CNTN5: variants seen among roughly 807,000 people sequenced by gnomAD.
CNTN5 encodes the protein contactin 5, also known as contactin-5.
CNTN5 carries 77 observed loss-of-function variants against 129.1 expected under a neutral mutation model. The observed-to-expected ratio is 0.60, with a 90% CI of 0.50 to 0.72. CNTN5 has a LOEUF of 0.72. Ranked by LOEUF, CNTN5 falls within the 30% of genes least tolerant of loss-of-function variation. The pLI is 0.00. For missense variants in CNTN5, 1,478 were observed against 1,328.8 expected (o/e 1.11, Z -1.75); for synonymous variants, 509 against 465.6 (o/e 1.09, Z -1.20).
chr11:99,107,312 C>T (rs149919170), intron 1 of CNTN5, among the ~76,000 whole-genome samples: 2 of 152,114 alleles, frequency 1.3e-5, no homozygotes, highest in East Asian at 3.9e-4. Context: ...ATAACATGAA[C>T]AAATTTATGC....
intron 3 of CNTN5, among the ~76,000 whole-genome samples, chr11:99,776,726 A>G (rs1945137650): frequency 1.3e-5 from 2 of 150,860 alleles, no homozygotes; most frequent in South Asian, 4.3e-4. Flanking sequence ...TAATCAACTC[A>G]TGTGGAACAC....
intron 6 of CNTN5, among the ~76,000 whole-genome samples, chr11:99,865,465 A>C (rs1948330285): frequency 6.6e-6 from 1 of 151,796 alleles, no homozygotes; most frequent in African/African-American, 2.4e-5. Context: ...TTATTTTACC[A>C]GGAAAAAATC....
At chr11:99,453,055 A>G (rs1166580064) in intron 2 of CNTN5, among the ~76,000 whole-genome samples, 3 of 152,164 alleles carry the variant, frequency 2.0e-5, no homozygotes, top group African/African-American at 7.2e-5. Flanking sequence ...TTTGTAAGGC[A>G]TTTCTCAGAT....
intron 3 of CNTN5, among the ~76,000 whole-genome samples, chr11:99,616,057 C>T (rs1171007103): frequency 1.3e-5 from 2 of 151,982 alleles, no homozygotes; most frequent in African/African-American, 4.8e-5. Context: ...TGTTCTACAC[C>T]TGTTCTGTAT....
At chr11:99,247,916 A>G (rs947380021) in intron 1 of CNTN5, among the ~76,000 whole-genome samples, 2 of 152,188 alleles carry the variant, frequency 1.3e-5, no homozygotes, top group African/African-American at 2.4e-5. Flanking sequence ...GTGCCGCAAT[A>G]AACATATGTG....
chr11:99,396,556 T>C (rs11219756), intron 2 of CNTN5, among the ~76,000 whole-genome samples: 35,518 of 151,440 alleles, frequency 0.23, 4,850 homozygotes, highest in Middle Eastern at 0.33. Context: ...CACTTGAAGT[T>C]ATGAGAAAAA....
intron 16 of CNTN5, among the ~76,000 whole-genome samples, chr11:100,244,817 G>T (rs1397780271): frequency 6.6e-6 from 1 of 152,012 alleles, no homozygotes; most frequent in Non-Finnish European, 1.5e-5. Context: ...CTGGCTGTTT[G>T]TTTCGGCTAG....
chr11:99,653,595 A>C (rs1056222286), intron 3 of CNTN5, among the ~76,000 whole-genome samples: 1 of 151,408 alleles, frequency 6.6e-6, no homozygotes. Flanking sequence ...TGAGGGGGGA[A>C]AATGCTTATA....
chr11:99,485,496 G>A (rs1247273322), intron 2 of CNTN5, among the ~76,000 whole-genome samples: 1 of 151,992 alleles, frequency 6.6e-6, no homozygotes, highest in Non-Finnish European at 1.5e-5. Context: ...TGTGTTTTGG[G>A]ATGTTGACAA....
chr11:99,620,994 A>T (rs1024631026), intron 3 of CNTN5, among the ~76,000 whole-genome samples: 11 of 152,150 alleles, frequency 7.2e-5, no homozygotes, highest in Admixed American at 1.3e-4. Flanking sequence ...TTTCATTCAA[A>T]CAATGTGAGG....
At chr11:99,488,323 C>A (rs998607685) in intron 2 of CNTN5, among the ~76,000 whole-genome samples, 1 of 151,540 alleles carries the variant, frequency 6.6e-6, no homozygotes, top group Non-Finnish European at 1.5e-5. Context: ...TAGGCATGCA[C>A]CACCATGGCC....
chr11:99,487,053 T>C (rs1945846573), intron 2 of CNTN5, among the ~76,000 whole-genome samples: 1 of 151,934 alleles, frequency 6.6e-6, no homozygotes, highest in Non-Finnish European at 1.5e-5. Flanking sequence ...CATATTAGAG[T>C]AAAAGTGCCA....
At chr11:99,598,458 C>A (rs933079469) in intron 3 of CNTN5, among the ~76,000 whole-genome samples, 1 of 141,184 alleles carries the variant, frequency 7.1e-6, no homozygotes, top group African/African-American at 2.6e-5. Flanking sequence ...TCCTTCCTTC[C>A]TTTTTCCCTT....
At chr11:100,005,270 C>A (rs1454352638) in intron 9 of CNTN5, among the ~76,000 whole-genome samples, 2 of 152,088 alleles carry the variant, frequency 1.3e-5, no homozygotes, top group African/African-American at 4.8e-5. Context: ...ATCCTGTCCC[C>A]CCCACAAATA....
chr11:99,675,113 C>G (rs1369565887), intron 3 of CNTN5, among the ~76,000 whole-genome samples: 1 of 152,098 alleles, frequency 6.6e-6, no homozygotes, highest in Non-Finnish European at 1.5e-5. Flanking sequence ...ATTGTTCATC[C>G]TACTAACTAA....
intron 2 of CNTN5, among the ~76,000 whole-genome samples, chr11:99,467,364 C>G (rs1230831010): frequency 6.6e-6 from 1 of 151,850 alleles, no homozygotes; most frequent in Non-Finnish European, 1.5e-5. Context: ...TGGAATTTAC[C>G]CTTATACATG....
chr11:99,711,247 C>A (rs1954975314), intron 3 of CNTN5, among the ~76,000 whole-genome samples: 1 of 151,826 alleles, frequency 6.6e-6, no homozygotes, highest in South Asian at 2.1e-4. Context: ...TTATAAATTT[C>A]CTGTCTTACC....
intron 1 of CNTN5, among the ~76,000 whole-genome samples, chr11:99,111,953 A>T (rs747540307): frequency 6.6e-6 from 1 of 152,072 alleles, no homozygotes; most frequent in African/African-American, 2.4e-5. Context: ...TTCACTAAGC[A>T]TATTATTTTG....
chr11:99,131,996 C>T (rs560025193), intron 1 of CNTN5, among the ~76,000 whole-genome samples: 12 of 151,154 alleles, frequency 7.9e-5, no homozygotes, highest in Admixed American at 7.2e-4. Flanking sequence ...ATGCAAAAAT[C>T]CTCAATAAAA....
Sources: gnomAD v4.1 joint callset for allele counts (sites outside exome capture counted in the v4.1 genomes callset) on GRCh38, gnomAD v4.1.1 for gene constraint, MANE v1.5 for transcripts, NCBI Gene and HGNC (gene_info 2026-07-23, HGNC 2026-07-21) for gene names.